ASIC2: variants seen among roughly 807,000 people sequenced by gnomAD.
ASIC2 encodes the protein acid sensing ion channel subunit 2, also known as acid-sensing ion channel 2.
In ASIC2, 25 loss-of-function variants were observed where a neutral mutation model predicts 57.3. The ratio of observed to expected loss-of-function variants is 0.44; its 90% CI spans 0.32 to 0.61. The LOEUF (loss-of-function observed/expected upper bound fraction) is 0.61, where lower values mean the gene tolerates loss of function less well. Among genes scored for constraint, ASIC2 ranks in the 20% least tolerant of loss-of-function variants. The pLI, the probability that ASIC2 is intolerant of heterozygous loss-of-function variation, is 0.06. For synonymous variants in ASIC2, 319 were observed against 307.5 expected, an observed-to-expected ratio of 1.04 and a Z score of -0.39; for missense variants, 641 against 738.1, an observed-to-expected ratio of 0.87 and a Z score of 1.52.
chr17:33,337,491 C>T (rs1032118832), intron 1 of ASIC2, among the ~76,000 whole-genome samples: 1 of 152,210 alleles, frequency 6.6e-6, no homozygotes, highest in African/African-American at 2.4e-5. Context: ...GACCTGGTGC[C>T]ATTTCCTTTA....
chr17:33,989,159 A>G (rs1302943399), intron 1 of ASIC2, among the ~76,000 whole-genome samples: 1 of 152,124 alleles, frequency 6.6e-6, no homozygotes, highest in Non-Finnish European at 1.5e-5. Flanking sequence ...GATGTTAAAC[A>G]GAGTCACACC....
intron 1 of ASIC2, among the ~76,000 whole-genome samples, chr17:33,409,485 T>C (rs1567851685): frequency 6.6e-6 from 1 of 152,078 alleles, no homozygotes; most frequent in Non-Finnish European, 1.5e-5. Flanking sequence ...ATGTTAGGAG[T>C]TTGGCCAGAA....
At chr17:33,393,020 C>A (rs1909956532) in intron 1 of ASIC2, among the ~76,000 whole-genome samples, 1 of 152,134 alleles carries the variant, frequency 6.6e-6, no homozygotes. Flanking sequence ...TAGCCCCCAT[C>A]CCAAGTCTAT....
intron 1 of ASIC2, among the ~76,000 whole-genome samples, chr17:34,115,652 C>A (rs192210866): frequency 4.6e-5 from 7 of 152,142 alleles, no homozygotes; most frequent in Non-Finnish European, 1.0e-4. Context: ...CTAACCAGGC[C>A]GAACATTTTC....
chr17:33,363,893 C>G (rs925541891), intron 1 of ASIC2, among the ~76,000 whole-genome samples: 2 of 152,210 alleles, frequency 1.3e-5, no homozygotes, highest in Non-Finnish European at 2.9e-5. Context: ...GGGGCAGCCA[C>G]CTGGGCTTTG....
At chr17:33,395,855 T>C (rs1910058611) in intron 1 of ASIC2, among the ~76,000 whole-genome samples, 1 of 152,066 alleles carries the variant, frequency 6.6e-6, no homozygotes, top group African/African-American at 2.4e-5. Context: ...TGACGGATTT[T>C]GACCATACTT....
intron 1 of ASIC2, among the ~76,000 whole-genome samples, chr17:34,140,348 G>A (rs116864442): frequency 2.6e-5 from 4 of 152,194 alleles, no homozygotes; most frequent in Admixed American, 6.5e-5. Context: ...TGGAATAAGC[G>A]GCATCTGTGT....
chr17:34,036,548 A>AT, intron 1 of ASIC2: 2 of 148,156 alleles, frequency 1.3e-5, no homozygotes, highest in Non-Finnish European at 3.0e-5. Flanking sequence ...TAAAATAAAA[A>AT]ATAAAAATAT....
intron 1 of ASIC2, among the ~76,000 whole-genome samples, chr17:33,577,599 G>A (rs915134741): frequency 1.5e-4 from 23 of 152,132 alleles, no homozygotes; most frequent in African/African-American, 5.6e-4. Context: ...GCCCTGGAAT[G>A]AGCATTCTTA....
At chr17:33,041,953 G>T (rs529025854) in intron 3 of ASIC2, among the ~76,000 whole-genome samples, 2 of 152,138 alleles carry the variant, frequency 1.3e-5, no homozygotes, top group African/African-American at 2.4e-5. Flanking sequence ...TGCCTTGTCA[G>T]CTCCCCTCTT....
At chr17:33,422,199 T>A (rs1446166194) in intron 1 of ASIC2, among the ~76,000 whole-genome samples, 1 of 152,190 alleles carries the variant, frequency 6.6e-6, no homozygotes, top group Non-Finnish European at 1.5e-5. Flanking sequence ...GCAAGTTCTG[T>A]TTTTATCTCC....
At chr17:33,679,661 A>G (rs1907938059) in intron 1 of ASIC2, among the ~76,000 whole-genome samples, 1 of 152,200 alleles carries the variant, frequency 6.6e-6, no homozygotes, top group Non-Finnish European at 1.5e-5. Flanking sequence ...CACAAACTGG[A>G]GAGACCCAGG....
intron 1 of ASIC2, among the ~76,000 whole-genome samples, chr17:33,396,095 A>G (rs1002440937): frequency 7.9e-5 from 12 of 152,220 alleles, no homozygotes; most frequent in Admixed American, 7.9e-4. Flanking sequence ...CCTCGTCATA[A>G]CCAGAGAAAC....
chr17:33,701,992 C>T (rs1057459098), intron 1 of ASIC2, among the ~76,000 whole-genome samples: 1 of 152,178 alleles, frequency 6.6e-6, no homozygotes, highest in Non-Finnish European at 1.5e-5. Flanking sequence ...GCGTTGAGCT[C>T]GGCTGTGCCA....
At chr17:33,256,960 A>G (rs1288535624) in intron 1 of ASIC2, among the ~76,000 whole-genome samples, 1 of 152,160 alleles carries the variant, frequency 6.6e-6, no homozygotes, top group Non-Finnish European at 1.5e-5. Context: ...CCTCCTGAGG[A>G]GTCATCTCCC....
At chr17:33,273,550 G>A (rs1469184134) in intron 1 of ASIC2, among the ~76,000 whole-genome samples, 1 of 152,120 alleles carries the variant, frequency 6.6e-6, no homozygotes, top group Non-Finnish European at 1.5e-5. Flanking sequence ...CCACTGAAGG[G>A]GGTGGAGGTG....
chr17:33,882,019 G>A (rs552251532), intron 1 of ASIC2, among the ~76,000 whole-genome samples: 15 of 152,156 alleles, frequency 9.9e-5, no homozygotes, highest in African/African-American at 2.6e-4. Context: ...AAAGGATTCC[G>A]TATTTAATAA....
At chr17:33,790,840 A>C (rs921003645) in intron 1 of ASIC2, among the ~76,000 whole-genome samples, 1 of 152,228 alleles carries the variant, frequency 6.6e-6, no homozygotes, top group East Asian at 1.9e-4. Context: ...TTGAGAATTT[A>C]TCATGTACCA....
intron 1 of ASIC2, among the ~76,000 whole-genome samples, chr17:34,072,677 T>C (rs531870673): frequency 2.0e-4 from 30 of 152,356 alleles, no homozygotes; most frequent in African/African-American, 6.7e-4. Flanking sequence ...TTTTTACTTA[T>C]TTATAAAAGT....
Sources: gnomAD v4.1 joint callset for allele counts (sites outside exome capture counted in the v4.1 genomes callset) on GRCh38, gnomAD v4.1.1 for gene constraint, MANE v1.5 for transcripts, NCBI Gene and HGNC (gene_info 2026-07-23, HGNC 2026-07-21) for gene names.